The following TMEM266 variants were observed in gnomAD, a reference collection of about 807,000 sequenced individuals.
The protein encoded by TMEM266 is Hv1 related protein 1.
Under a neutral mutation model 50.5 loss-of-function variants are expected in TMEM266, and 33 were observed. The ratio of observed to expected loss-of-function variants is 0.65; its 90% CI spans 0.50 to 0.87. TMEM266 has a LOEUF of 0.87. Among genes scored for constraint, TMEM266 ranks in the 40% least tolerant of loss-of-function variants. The probability of loss-of-function intolerance (pLI) is 0.00; values close to 1 mark genes in which losing one functional copy is unlikely to be tolerated. For missense variants in TMEM266, 655 were observed against 695.1 expected, an observed-to-expected ratio of 0.94 and a Z score of 0.65; for synonymous variants, 310 against 292.3, an observed-to-expected ratio of 1.06 and a Z score of -0.62.
At chr15:76,118,147 C>G (rs534328678) in intron 1 of TMEM266, among the ~76,000 whole-genome samples, 1 of 152,254 alleles carries the variant, frequency 6.6e-6, no homozygotes, top group Non-Finnish European at 1.5e-5. Context: ...GCGGCCCACA[C>G]TGACCTCCTC....
At chr15:76,060,526 C>A (rs1315122223) in intron 1 of TMEM266, among the ~76,000 whole-genome samples, 1 of 152,116 alleles carries the variant, frequency 6.6e-6, no homozygotes, top group Non-Finnish European at 1.5e-5. Context: ...CGGGAGGTGC[C>A]CCAGCGGCAG....
chr15:76,067,317 C>G (rs1466305648), intron 1 of TMEM266, among the ~76,000 whole-genome samples: 7 of 152,102 alleles, frequency 4.6e-5, no homozygotes, highest in Non-Finnish European at 8.8e-5. Context: ...GGCCTCGGGT[C>G]TAGATGCAAC....
At chr15:76,086,950 C>T (rs2036786718) in intron 1 of TMEM266, among the ~76,000 whole-genome samples, 1 of 149,916 alleles carries the variant, frequency 6.7e-6, no homozygotes, top group Admixed American at 6.6e-5. Context: ...GGTGGTGTTG[C>T]AAAGGGAGTA....
intron 9 of TMEM266, among the ~76,000 whole-genome samples, chr15:76,196,996 C>T (rs1032669823): frequency 3.9e-5 from 6 of 152,214 alleles, no homozygotes; most frequent in African/African-American, 1.2e-4. Flanking sequence ...GGGAGTGCCA[C>T]GGATTTCACC....
At chr15:76,134,145 T>C in intron 1 of TMEM266, 23 bp from the exon 2 acceptor site, 1 of 1,102,696 alleles carries the variant, frequency 9.1e-7, no homozygotes, top group African/African-American at 1.6e-5. Context: ...CTGAAGGTAA[T>C]AAGTTCCTAT....
Position 76,083,970 on chromosome 15 carries a change from G to A in TMEM266, c.-97+23954G>A, listed in dbSNP as rs139467308. Among the ~76,000 whole-genome samples the A allele has an allele frequency of 2.9e-3, 439 of 152,266 alleles. 4 individuals are homozygous for A. Among genetic ancestry groups the A allele is most frequent in the African/African-American group, 9.4e-3 (389 of 41,564 alleles). On this transcript the variant is annotated intron_variant, in intron 1 of 10. Transcript: ENST00000388942. ...GTATGTTATTGGAGCACACATTGTA[G>A]CAGTTAACTTGGGGTGGGGGGTGAT...
At position 76,175,466 on chromosome 15, in the gene TMEM266, C is replaced by T. The variant is rs1025673619; in HGVS notation, c.653-93C>T. ...GATCCACAGAAATGGCCCAGGGCCT[C>T]GAACCTGCTGCTGCCTGAATGCTGG... On this transcript the variant is annotated intron_variant, in intron 7 of 10. Coordinates refer to ENST00000388942, the MANE Select transcript of TMEM266 (RefSeq NM_152335.3). The T allele has an allele frequency of 6.6e-5, 63 of 955,976 alleles. 1 individual carries two copies. The Admixed American group carries it at 1.1e-3, about 17-fold the overall frequency. The allele number at this position is 955,976 out of a possible 1,614,324, so 59.2% of individuals were successfully genotyped here.
intron 1 of TMEM266, chr15:76,112,681 A>G (rs926632550): frequency 7.9e-5 from 12 of 152,240 alleles, no homozygotes; most frequent in African/African-American, 2.2e-4. Context: ...AAGCACACTC[A>G]TGGGGCCATC....
chr15:76,160,200 C>G lies in TMEM266; in HGVS notation c.456+32C>G. On this transcript the variant is annotated intron_variant, in intron 5 of 10. Transcript: ENST00000388942. This position sits in a 1 kb window ranked among gnomAD's most constrained non-coding sequence, Gnocchi z 5.7. ...GGAGACTCTGGCCCTGTCACCTCCT[C>G]TGTTGGGTGACTCCTGTCCTGGGGA... 1 of 1,589,358 alleles carries G rather than the reference C, an allele frequency of 6.3e-7. No homozygotes were observed. The highest frequency in any genetic ancestry group is 1.3e-5 in the African/African-American group (1 of 74,428).
At chr15:76,094,618 T>A (rs1315143012) in intron 1 of TMEM266, among the ~76,000 whole-genome samples, 1 of 152,114 alleles carries the variant, frequency 6.6e-6, no homozygotes, top group Admixed American at 6.5e-5. Context: ...TGGTTCCATA[T>A]GATTTTTAAT....
At chr15:76,111,403 C>T (rs1339426363) in intron 1 of TMEM266, among the ~76,000 whole-genome samples, 1 of 151,462 alleles carries the variant, frequency 6.6e-6, no homozygotes, top group Non-Finnish European at 1.5e-5. Flanking sequence ...GTCTGTTAAC[C>T]TGTTAGCCAA....
chr15:76,165,004 T>C (rs572204557), intron 5 of TMEM266, among the ~76,000 whole-genome samples: 1 of 152,386 alleles, frequency 6.6e-6, no homozygotes, highest in South Asian at 2.1e-4. Context: ...TCCTAAGGTT[T>C]CCAAACTCTG....
At chr15:76,187,144 CTGAA>C (rs3065642) in intron 8 of TMEM266, among the ~76,000 whole-genome samples, 2 of 151,838 alleles carry the variant, frequency 1.3e-5, no homozygotes, top group Non-Finnish European at 1.5e-5. Context: ...TGACTTCCTA[CTGAA>C]TGAATGAATG....
intron 3 of TMEM266, among the ~76,000 whole-genome samples, chr15:76,147,391 C>A (rs1318507506): frequency 6.6e-6 from 1 of 152,194 alleles, no homozygotes; most frequent in Non-Finnish European, 1.5e-5. Flanking sequence ...ACTGCAGAGT[C>A]TGGAAATTCG....
In TMEM266 at chr15:76,106,831, T is replaced by G. The variant is rs150910664; in HGVS notation, c.-96-27337T>G. Among the ~76,000 whole-genome samples the G allele has an allele frequency of 3.1e-3, 468 of 152,234 alleles. 4 individuals carry two copies. The highest frequency in any genetic ancestry group is 0.01 in the African/African-American group (435 of 41,532). ...TATGCATTTACCTCACATACTTATTTTGTGTGTGTGTGTTGAGAACACTTA... is the reference window on the plus strand; with the variant it reads ...TATGCATTTACCTCACATACTTATTGTGTGTGTGTGTGTTGAGAACACTTA... On this transcript the variant is annotated intron_variant, in intron 1 of 10. Coordinates refer to ENST00000388942, the MANE Select transcript of TMEM266 (RefSeq NM_152335.3).
At chr15:76,170,223 A>G (rs962018814) in intron 6 of TMEM266, among the ~76,000 whole-genome samples, 9 of 152,214 alleles carry the variant, frequency 5.9e-5, no homozygotes, top group African/African-American at 2.2e-4. Context: ...CGTGCTTCTC[A>G]GGCTGGGTTT....
At chr15:76,140,760 C>T (rs971649449) in intron 3 of TMEM266, among the ~76,000 whole-genome samples, 5 of 151,918 alleles carry the variant, frequency 3.3e-5, no homozygotes, top group Non-Finnish European at 5.9e-5. Flanking sequence ...GGGGGCGGGG[C>T]ATGCTAGTTC....
intron 1 of TMEM266, among the ~76,000 whole-genome samples, chr15:76,106,377 A>G (rs1322821752): frequency 3.3e-5 from 5 of 152,098 alleles, no homozygotes; most frequent in Non-Finnish European, 4.4e-5. Flanking sequence ...AATAAAAATT[A>G]TATATATTTA....
At chr15:76,177,020 C>T (rs149319686) in intron 8 of TMEM266, among the ~76,000 whole-genome samples, 11 of 152,318 alleles carry the variant, frequency 7.2e-5, no homozygotes, top group South Asian at 6.2e-4. Context: ...CCTGAATCCC[C>T]GCCCCTTGCA....
Sources: allele counts gnomAD v4.1 joint callset (sites outside exome capture counted in the v4.1 genomes callset), GRCh38; gene constraint gnomAD v4.1.1; non-coding constraint Gnocchi (gnomAD v3.1); transcripts MANE v1.5; gene names NCBI Gene and HGNC (gene_info 2026-07-23, HGNC 2026-07-21).